NKAIN2: variants seen among roughly 807,000 people sequenced by gnomAD.
NKAIN2 encodes the protein sodium/potassium-transporting ATPase subunit beta-1-interacting protein 2.
In NKAIN2, 14 loss-of-function variants were observed where a neutral mutation model predicts 32.6. That is an observed-to-expected ratio of 0.43 (90% CI 0.28 to 0.67). The LOEUF (loss-of-function observed/expected upper bound fraction) is 0.67, where lower values mean the gene tolerates loss of function less well. Ranked by LOEUF, NKAIN2 falls within the 30% of genes least tolerant of loss-of-function variation. NKAIN2 has a pLI of 0.17. For synonymous variants in NKAIN2, 80 were observed against 87.2 expected, an observed-to-expected ratio of 0.92 and a Z score of 0.46; for missense variants, 198 against 258.3, an observed-to-expected ratio of 0.77 and a Z score of 1.60.
chr6:124,132,262 T>C (rs1260865240), intron 1 of NKAIN2, among the ~76,000 whole-genome samples: 1 of 152,134 alleles, frequency 6.6e-6, no homozygotes. Flanking sequence ...CAACAAGCTC[T>C]CTCCAAGGAG....
chr6:124,029,929 A>G (rs1171258994), intron 1 of NKAIN2, among the ~76,000 whole-genome samples: 1 of 152,056 alleles, frequency 6.6e-6, no homozygotes, highest in Admixed American at 6.6e-5. Flanking sequence ...CCTTATAAGA[A>G]TCTAATGCCA....
intron 4 of NKAIN2, among the ~76,000 whole-genome samples, chr6:124,681,097 T>C (rs1463465204): frequency 1.3e-5 from 2 of 151,990 alleles, no homozygotes; most frequent in African/African-American, 4.8e-5. Flanking sequence ...ATGAGAACAC[T>C]GAGTCATACA....
chr6:124,777,614 C>A (rs987608439), intron 4 of NKAIN2, among the ~76,000 whole-genome samples: 3 of 152,102 alleles, frequency 2.0e-5, no homozygotes, highest in African/African-American at 4.8e-5. Context: ...TGAGGAACAG[C>A]AAAGTCTGCC....
chr6:124,672,075 T>TA (rs1208004761), intron 4 of NKAIN2, among the ~76,000 whole-genome samples: 1 of 152,052 alleles, frequency 6.6e-6, no homozygotes, highest in Non-Finnish European at 1.5e-5. Context: ...ATGCCATTCT[T>TA]AAGTCTTCTA....
intron 1 of NKAIN2, among the ~76,000 whole-genome samples, chr6:124,007,308 A>T (rs557825242): frequency 1.5e-4 from 23 of 152,312 alleles, no homozygotes; most frequent in African/African-American, 4.8e-4. Flanking sequence ...AACTGTAGTT[A>T]GATTCTTCTG....
intron 1 of NKAIN2, among the ~76,000 whole-genome samples, chr6:124,221,161 G>A (rs1183844884): frequency 2.0e-5 from 3 of 151,750 alleles, no homozygotes; most frequent in African/African-American, 4.8e-5. Context: ...CAACCCAAAT[G>A]TCCAACAATG....
At chr6:124,156,200 T>A (rs565454012) in intron 1 of NKAIN2, among the ~76,000 whole-genome samples, 1 of 152,144 alleles carries the variant, frequency 6.6e-6, no homozygotes, top group Non-Finnish European at 1.5e-5. Flanking sequence ...TAGATACTTA[T>A]GGATGACTAA....
intron 3 of NKAIN2, among the ~76,000 whole-genome samples, chr6:124,456,235 G>A (rs1776316989): frequency 6.6e-6 from 1 of 151,532 alleles, no homozygotes; most frequent in Non-Finnish European, 1.5e-5. Context: ...CAGACCAGTG[G>A]GAAGTATTCC....
intron 1 of NKAIN2, among the ~76,000 whole-genome samples, chr6:124,104,544 T>A (rs1304453267): frequency 1.3e-5 from 2 of 152,222 alleles, no homozygotes; most frequent in African/African-American, 2.4e-5. Context: ...TTCTCCAAAT[T>A]CCCTTATTTT....
At chr6:124,631,652 G>T (rs924053092) in intron 3 of NKAIN2, among the ~76,000 whole-genome samples, 1 of 152,008 alleles carries the variant, frequency 6.6e-6, no homozygotes, top group Admixed American at 6.6e-5. Flanking sequence ...CTGACTTACC[G>T]TCCAGATAAA....
At chr6:124,039,712 T>C (rs1213704039) in intron 1 of NKAIN2, among the ~76,000 whole-genome samples, 1 of 151,956 alleles carries the variant, frequency 6.6e-6, no homozygotes, top group African/African-American at 2.4e-5. Flanking sequence ...GCTGGTATTA[T>C]GTTAGTCTAA....
chr6:123,937,082 A>G (rs1305401288), intron 1 of NKAIN2, among the ~76,000 whole-genome samples: 2 of 152,068 alleles, frequency 1.3e-5, no homozygotes, highest in Non-Finnish European at 2.9e-5. Context: ...GCAAACCACC[A>G]CCACCACCAC....
intron 1 of NKAIN2, among the ~76,000 whole-genome samples, chr6:123,814,191 A>AT (rs1300894637): frequency 6.6e-6 from 1 of 152,158 alleles, no homozygotes; most frequent in African/African-American, 2.4e-5. Context: ...TTCAAAAGCA[A>AT]TTAAGTACTA....
In NKAIN2 at chr6:124,359,362, C is replaced by A. The variant is rs542071233; in HGVS notation, c.273+4015C>A. On this transcript the variant is annotated intron_variant, in intron 3 of 6. Coordinates refer to ENST00000368417, the MANE Select transcript of NKAIN2 (RefSeq NM_001040214.3). Reference sequence around the variant, plus strand: ...CATTGAATCTATAAATTACCTTGGGCAGTATGGCCATTTTCACGATATTGA... The same window carrying A: ...CATTGAATCTATAAATTACCTTGGGAAGTATGGCCATTTTCACGATATTGA... Among the ~76,000 whole-genome samples the A allele has an allele frequency of 8.5e-5, 13 of 152,112 alleles. No homozygotes were observed. In the East Asian group the frequency reaches 1.9e-3, roughly 23 times the overall value.
chr6:123,892,470 A>AACTCTCAT, intron 1 of NKAIN2, among the ~76,000 whole-genome samples: 2 of 108,404 alleles, frequency 1.8e-5, no homozygotes, highest in Middle Eastern at 9.8e-3. Flanking sequence ...TAAAAACATC[A>AACTCTCAT]GCTCTCATGA....
At chr6:123,870,215 T>C (rs1286788948) in intron 1 of NKAIN2, among the ~76,000 whole-genome samples, 1 of 152,152 alleles carries the variant, frequency 6.6e-6, no homozygotes, top group Non-Finnish European at 1.5e-5. Flanking sequence ...TAAATAAATA[T>C]GGTATTTCAA....
chr6:124,054,691 T>C (rs901126019), intron 1 of NKAIN2, among the ~76,000 whole-genome samples: 1 of 151,648 alleles, frequency 6.6e-6, no homozygotes, highest in Non-Finnish European at 1.5e-5. Context: ...AAGGAAGGAG[T>C]GGGCCCCTTA....
At chr6:124,281,283 CA>C (rs575455747) in intron 1 of NKAIN2, among the ~76,000 whole-genome samples, 122 of 152,278 alleles carry the variant, frequency 8.0e-4, no homozygotes, top group African/African-American at 2.8e-3. Context: ...AACTTTTACA[CA>C]GAAAATTAGC....
intron 1 of NKAIN2, among the ~76,000 whole-genome samples, chr6:124,028,731 A>G (rs1338612216): frequency 6.7e-6 from 1 of 148,918 alleles, no homozygotes; most frequent in Non-Finnish European, 1.5e-5. Context: ...ATATACGTGT[A>G]TACACGTATA....
Sources: allele counts gnomAD v4.1 joint callset (sites outside exome capture counted in the v4.1 genomes callset), GRCh38; gene constraint gnomAD v4.1.1; transcripts MANE v1.5; gene names NCBI Gene and HGNC (gene_info 2026-07-23, HGNC 2026-07-21).